Variants in GALNTL6 observed in about 807,000 individuals in gnomAD.
GALNTL6 encodes polypeptide N-acetylgalactosaminyltransferase-like 6.
A neutral mutation model predicts 73.7 loss-of-function variants in GALNTL6; 46 were observed. The observed-to-expected ratio is 0.62, with a 90% CI of 0.49 to 0.80. GALNTL6 has a LOEUF of 0.80. GALNTL6 is among the 30% of genes least tolerant of loss of function. The pLI is 0.00. For missense variants in GALNTL6, 604 were observed against 755.0 expected, an observed-to-expected ratio of 0.80 and a Z score of 2.34; for synonymous variants, 259 against 263.7, an observed-to-expected ratio of 0.98 and a Z score of 0.17.
At chr4:172,781,203 T>C (rs1739353995) in intron 5 of GALNTL6, among the ~76,000 whole-genome samples, 1 of 152,158 alleles carries the variant, frequency 6.6e-6, no homozygotes, top group Non-Finnish European at 1.5e-5. Context: ...CCTTAAATGC[T>C]ACCCAGAAAT....
intron 7 of GALNTL6, among the ~76,000 whole-genome samples, chr4:172,873,129 T>G (rs963683924): frequency 2.6e-5 from 4 of 152,274 alleles, no homozygotes; most frequent in Admixed American, 1.3e-4. Flanking sequence ...TGGATTGGCC[T>G]TCCAGGAGCA....
intron 5 of GALNTL6, among the ~76,000 whole-genome samples, chr4:172,606,641 CTATATATATAGTAT>C (rs1738300595): frequency 7.8e-4 from 29 of 37,336 alleles, no homozygotes; most frequent in Admixed American, 6.7e-3. Flanking sequence ...TATATATATA[CTATATATATAGTAT>C]ATATATACTA....
At position 171,821,233 on chromosome 4, in the gene GALNTL6, G is replaced by T. The variant is rs1437324246; in HGVS notation, c.138+6515G>T. Among the ~76,000 whole-genome samples the T allele has an allele frequency of 2.6e-5, 4 of 151,954 alleles. No homozygotes were observed. The East Asian group carries it at 7.8e-4, about 29-fold the overall frequency. ...TAAAAAATTTTTTTTGTAGCGACAAGGTCTCACTATGTTACCCAGGCTGGT... is the reference window on the plus strand; with the variant it reads ...TAAAAAATTTTTTTTGTAGCGACAATGTCTCACTATGTTACCCAGGCTGGT... On this transcript the variant is annotated intron_variant, in intron 2 of 12. Coordinates refer to ENST00000506823, the MANE Select transcript of GALNTL6 (RefSeq NM_001034845.3).
chr4:172,331,017 A>G (rs1356267787), intron 4 of GALNTL6, among the ~76,000 whole-genome samples: 2 of 151,996 alleles, frequency 1.3e-5, no homozygotes, highest in East Asian at 3.9e-4. Context: ...AATATCTTTT[A>G]TATATCTTAA....
intron 2 of GALNTL6, among the ~76,000 whole-genome samples, chr4:172,121,901 TG>T (rs1733160464): frequency 6.6e-6 from 1 of 151,802 alleles, no homozygotes; most frequent in South Asian, 2.1e-4. Flanking sequence ...GCTATAAACC[TG>T]GGCTTAAAGG....
chr4:172,063,900 A>G (rs1731283096), intron 2 of GALNTL6, among the ~76,000 whole-genome samples: 1 of 152,242 alleles, frequency 6.6e-6, no homozygotes, highest in Non-Finnish European at 1.5e-5. Flanking sequence ...TACCTCTGCT[A>G]TACATTCACA....
intron 5 of GALNTL6, among the ~76,000 whole-genome samples, chr4:172,786,152 A>C (rs970281343): frequency 2.0e-5 from 3 of 152,352 alleles, no homozygotes; most frequent in African/African-American, 4.8e-5. Flanking sequence ...TTGAACTCCA[A>C]TTCGCTCTAA....
intron 5 of GALNTL6, among the ~76,000 whole-genome samples, chr4:172,616,313 A>G (rs1738727877): frequency 1.3e-5 from 2 of 152,026 alleles, no homozygotes; most frequent in Admixed American, 6.6e-5. Flanking sequence ...TTTGTTTTTT[A>G]TAACACCCCT....
At chr4:172,125,110 G>C (rs1733259434) in intron 2 of GALNTL6, among the ~76,000 whole-genome samples, 1 of 152,122 alleles carries the variant, frequency 6.6e-6, no homozygotes, top group African/African-American at 2.4e-5. Flanking sequence ...TTCTCAAGGG[G>C]AGAAAGAGGA....
At chr4:172,210,700 C>G (rs1449875003) in intron 2 of GALNTL6, among the ~76,000 whole-genome samples, 1 of 152,052 alleles carries the variant, frequency 6.6e-6, no homozygotes, top group Non-Finnish European at 1.5e-5. Context: ...CACTGCCAGC[C>G]CCACTCAGTC....
At position 172,482,148 on chromosome 4, in the gene GALNTL6, G is replaced by A. The variant is rs566251893; in HGVS notation, c.553+133459G>A. Among the ~76,000 whole-genome samples, 6 of 152,164 alleles carry A rather than the reference G, an allele frequency of 3.9e-5. No individual in the cohort carries two copies. In the South Asian group the frequency reaches 1.0e-3, roughly 26 times the overall value. ...CCCCTCACTGCCCAGGGCCGGTGGC[G>A]CCGGCCAGCCACTCAGAGGGCAGGA... On this transcript the variant is annotated intron_variant, in intron 5 of 12. Coordinates refer to ENST00000506823, the MANE Select transcript of GALNTL6 (RefSeq NM_001034845.3).
At chr4:172,636,344 G>C (rs1739678664) in intron 5 of GALNTL6, among the ~76,000 whole-genome samples, 1 of 152,180 alleles carries the variant, frequency 6.6e-6, no homozygotes, top group African/African-American at 2.4e-5. Flanking sequence ...CTGAATACTG[G>C]TGTCCCAAAG....
intron 7 of GALNTL6, among the ~76,000 whole-genome samples, chr4:172,835,289 C>T (rs913727050): frequency 2.0e-5 from 3 of 152,226 alleles, no homozygotes; most frequent in Non-Finnish European, 2.9e-5. Context: ...CAACCTGGCA[C>T]GAGAGAACTC....
At chr4:171,969,889 C>T (rs530557754) in intron 2 of GALNTL6, among the ~76,000 whole-genome samples, 1 of 152,120 alleles carries the variant, frequency 6.6e-6, no homozygotes, top group Admixed American at 6.6e-5. Context: ...CATGCCTCAG[C>T]CTCCCAAATA....
At chr4:172,963,815 A>G (rs1374423380) in intron 10 of GALNTL6, among the ~76,000 whole-genome samples, 1 of 152,276 alleles carries the variant, frequency 6.6e-6, no homozygotes, top group Non-Finnish European at 1.5e-5. Flanking sequence ...TAAACAAGTT[A>G]CAAAATATTC....
intron 2 of GALNTL6, among the ~76,000 whole-genome samples, chr4:172,127,759 G>C (rs1018839029): frequency 5.9e-5 from 9 of 152,042 alleles, no homozygotes; most frequent in African/African-American, 2.2e-4. Context: ...CTGTTTTTAG[G>C]CTTGGTTTAT....
chr4:172,563,412 A>G (rs969978420), intron 5 of GALNTL6, among the ~76,000 whole-genome samples: 1 of 152,210 alleles, frequency 6.6e-6, no homozygotes. Context: ...TCATGCAAGC[A>G]TTAAGAGACT....
rs553352733 is a variant in GALNTL6 at position 172,380,392 on chromosome 4, GATGTTGC to G, written c.553+31704_553+31710del. 1.7e-5 allele frequency: 11 copies of G among 652,772 alleles called. No homozygotes were observed. The East Asian group carries it at 3.4e-4, about 20-fold the overall frequency. The allele number at this position is 652,772 out of a possible 1,614,324, so 40.4% of individuals were successfully genotyped here. A position where few individuals can be genotyped will look rare whatever the true frequency, so the allele number is the denominator to read the frequency against. On this transcript the variant is annotated intron_variant, in intron 5 of 12. Coordinates refer to ENST00000506823, the MANE Select transcript of GALNTL6 (RefSeq NM_001034845.3). ...TGGCAATGACCACATGAAAATAATG[GATGTTGC>G]TCTCATATGGTTCTGCTTTGAGGCC...
chr4:173,032,893 C>T (rs1753530189), intron 12 of GALNTL6, among the ~76,000 whole-genome samples: 1 of 151,960 alleles, frequency 6.6e-6, no homozygotes, highest in African/African-American at 2.4e-5. Flanking sequence ...GACCACAGCC[C>T]AAAAATGCTG....
Sources: allele counts gnomAD v4.1 joint callset (sites outside exome capture counted in the v4.1 genomes callset), GRCh38; gene constraint gnomAD v4.1.1; transcripts MANE v1.5; gene names NCBI Gene and HGNC (gene_info 2026-07-23, HGNC 2026-07-21).